The following ST7L variants were observed in gnomAD, a reference collection of about 807,000 sequenced individuals.
The protein encoded by ST7L is suppression of tumorigenicity 7 like, also known as suppressor of tumorigenicity 7 protein-like.
ST7L carries 57 observed loss-of-function variants against 72.5 expected under a neutral mutation model. That is an observed-to-expected ratio of 0.79 (90% confidence interval 0.64 to 0.98). The LOEUF (loss-of-function observed/expected upper bound fraction) is 0.98, where lower values mean the gene tolerates loss of function less well. Among genes scored for constraint, ST7L ranks in the 50% least tolerant of loss-of-function variants. The pLI is 0.00. For missense variants in ST7L, 576 were observed against 672.2 expected (o/e 0.86, Z 1.58); for synonymous variants, 221 against 240.9 (o/e 0.92, Z 0.77).
In ST7L at chr1:112,600,845, C is replaced by T; in HGVS notation, c.455G>A (p.Cys152Tyr). ...NETSRQNLSE[C>Y]KVWRNPLNLF... Reference sequence around the variant, plus strand: ...ATTTAGAGGGTTTCTCCATACCTTACATTCTGAAAAACAAGGGAGAAAAAG... The same window carrying T: ...ATTTAGAGGGTTTCTCCATACCTTATATTCTGAAAAACAAGGGAGAAAAAG... The change falls in exon 4 of 15, where the codon TGT (cysteine) becomes TAT (tyrosine). Residue 152 changes from cysteine to tyrosine, a missense_variant. Coordinates refer to ENST00000358039, the MANE Select transcript of ST7L (RefSeq NM_017744.5). 3 of 1,607,906 alleles carry T rather than the reference C, an allele frequency of 1.9e-6. No homozygotes were observed. The highest frequency in any genetic ancestry group is 1.1e-5 in the South Asian group (1 of 90,224).
Position 112,583,996 on chromosome 1 carries a change from T to C in ST7L, c.832A>G (p.Ser278Gly). 6.2e-7 allele frequency: 1 copy of C among 1,614,098 alleles called. No individual in the cohort carries two copies. Among genetic ancestry groups the C allele is most frequent in the Non-Finnish European group, 8.5e-7 (1 of 1,180,006 alleles). Reference sequence around the variant, plus strand: ...CTCAGTTGAGCTTCATGCTGAGGACTTTGGTGCTGGCACTGCTGTGACTGC... The same window carrying C: ...CTCAGTTGAGCTTCATGCTGAGGACCTTGGTGCTGGCACTGCTGTGACTGC... ...YRQSQQCQHQ[S>G]PQHEAQLRRD... Residue 278 changes from serine (S) to glycine (G), a missense_variant, in exon 7 of 15, where the codon AGT (serine) becomes GGT (glycine). This residue lies in a region of ST7L where 511 missense variants were observed against 600.7 expected (regional missense o/e 0.85). Transcript: ENST00000358039.
At chr1:112,576,943 T>A (rs1174321350) in intron 11 of ST7L, 43 bp downstream of exon 11, 2 of 1,436,554 alleles carry the variant, frequency 1.4e-6, no homozygotes, top group African/African-American at 2.8e-5. Context: ...ATCAATTTGA[T>A]AAACTTAAAT....
chr1:112,573,370 A>G (rs1045240282), intron 11 of ST7L, among the ~76,000 whole-genome samples: 3 of 142,144 alleles, frequency 2.1e-5, no homozygotes, highest in Admixed American at 7.0e-5. Flanking sequence ...AAAAAAAAAA[A>G]GAATTAAAAA....
rs1253249705 is a variant in ST7L at position 112,524,146 on chromosome 1, T to A, written c.*1867A>T. 6.6e-6 allele frequency: 1 copy of A among 152,638 alleles called. No homozygotes were observed. Among genetic ancestry groups the A allele is most frequent in the Non-Finnish European group, 1.5e-5 (1 of 68,054 alleles). 9.5% of individuals were successfully genotyped at this position (152,638 alleles called of 1,614,324 possible). A position where few individuals can be genotyped will look rare whatever the true frequency, so the allele number is the denominator to read the frequency against. ...GCAGGGAGTAATTTCTTCTCCTTTG[T>A]CTCACTTCCCTTATCAAGAACACCA... On this transcript the variant is annotated 3_prime_UTR_variant, in exon 15 of 15. Transcript: ENST00000358039.
In ST7L at chr1:112,594,721, G is replaced by C. The variant is rs547981135; in HGVS notation, c.623-3118C>G. 6.8e-4 allele frequency among the ~76,000 whole-genome samples: 104 copies of C among 152,290 alleles called. 3 individuals are homozygous for C. The South Asian group carries it at 0.021, about 31-fold the overall frequency. On this transcript the variant is annotated intron_variant, in intron 5 of 14. Coordinates refer to ENST00000358039, the MANE Select transcript of ST7L (RefSeq NM_017744.5). The stretch of plus-strand genomic sequence containing the variant: ...AATATGTTTATTTAAATTGAAAAAT[G>C]AAGTCAGACTGCTCTGTCAGAAAGT...
chr1:112,560,166 G>A lies in ST7L; in HGVS notation c.1246-4148C>T, dbSNP rs564371375. ...TCCCAGCACTTTGGGAGGCCGAGGC[G>A]GGAGGATCACGAGGTTAGGAGATCC... On this transcript the variant is annotated intron_variant, in intron 11 of 14. Coordinates refer to ENST00000358039, the MANE Select transcript of ST7L (RefSeq NM_017744.5). 2.8e-4 allele frequency among the ~76,000 whole-genome samples: 43 copies of A among 151,718 alleles called. 1 individual carries two copies. In the Middle Eastern group the frequency reaches 0.01, roughly 36 times the overall value.
chr1:112,524,679 T>C lies in ST7L; in HGVS notation c.*1334A>G, dbSNP rs148503056. The C allele has an allele frequency of 1.2e-4, 19 of 152,584 alleles. No homozygotes were observed. The highest frequency in any genetic ancestry group is 4.6e-4 in the African/African-American group (19 of 41,514). The allele number at this position is 152,584 out of a possible 1,614,324, so 9.5% of individuals were successfully genotyped here. On this transcript the variant is annotated 3_prime_UTR_variant, in exon 15 of 15. Transcript: ENST00000358039. ...CGGGGGTTGGGCATCTTTGAAGCAA[T>C]GTTGGATAACAAGAAAGAGATGCTT...
chr1:112,602,445 T>C (rs1667560466), intron 3 of ST7L, among the ~76,000 whole-genome samples: 1 of 152,198 alleles, frequency 6.6e-6, no homozygotes, highest in Non-Finnish European at 1.5e-5. Context: ...GAAAAGTCAA[T>C]GATGGGTAAA....
In ST7L at chr1:112,570,570, T is replaced by TACAC. The variant is rs1553248207; in HGVS notation, c.1245+6412_1245+6415dup. On this transcript the variant is annotated intron_variant, in intron 11 of 14. Coordinates refer to ENST00000358039, the MANE Select transcript of ST7L (RefSeq NM_017744.5). ...GTATATATATATATATATATATATA[T>TACAC]ACACACACACATATATTTGAAATGT... Among the ~76,000 whole-genome samples the TACAC allele has an allele frequency of 2.0e-3, 293 of 143,412 alleles. 2 individuals are homozygous for TACAC. The highest frequency in any genetic ancestry group is 6.2e-3 in the African/African-American group (241 of 38,630). The allele number at this position is 143,412 out of a possible 152,430, so 94.1% of individuals were successfully genotyped here. A position where few individuals can be genotyped will look rare whatever the true frequency, so the allele number is the denominator to read the frequency against.
intron 4 of ST7L, 66 bp from the exon 5 acceptor site, chr1:112,598,152 A>G: frequency 5.2e-6 from 6 of 1,153,096 alleles, no homozygotes; most frequent in Admixed American, 2.3e-5. Context: ...TATAACAGAC[A>G]CTACTTAAAT....
rs1653239311 is a variant in ST7L at position 112,525,355 on chromosome 1, CTAT to C, written c.*655_*657del. On this transcript the variant is annotated 3_prime_UTR_variant, in exon 15 of 15. Transcript: ENST00000358039. ...ACAGTGAATTGAGCTTTCTCAGAAG[CTAT>C]TATTTTCTTTGGGTGATTGGCAGGT... The C allele has an allele frequency of 6.6e-6, 1 of 152,278 alleles. No individual in the cohort carries two copies. Among genetic ancestry groups the C allele is most frequent in the African/African-American group, 2.4e-5 (1 of 41,542 alleles). 9.4% of individuals were successfully genotyped at this position (152,278 alleles called of 1,614,324 possible). A position where few individuals can be genotyped will look rare whatever the true frequency, so the allele number is the denominator to read the frequency against.
At chr1:112,597,239 A>T (rs1386676656) in intron 5 of ST7L, among the ~76,000 whole-genome samples, 1 of 152,242 alleles carries the variant, frequency 6.6e-6, no homozygotes, top group Non-Finnish European at 1.5e-5. Context: ...TGTGACTTTC[A>T]ATTTGGATAA....
At chr1:112,614,696 T>C (rs1430362956) in intron 2 of ST7L, among the ~76,000 whole-genome samples, 1 of 152,078 alleles carries the variant, frequency 6.6e-6, no homozygotes, top group Non-Finnish European at 1.5e-5. Context: ...CCTGGAACCT[T>C]AGCACTTTGG....
intron 14 of ST7L, chr1:112,539,660 A>AC: frequency 2.1e-6 from 2 of 936,130 alleles, no homozygotes; most frequent in Non-Finnish European, 2.5e-6. Context: ...TGTTTCAAAA[A>AC]AAAAAAAAAA....
intron 14 of ST7L, among the ~76,000 whole-genome samples, chr1:112,541,377 C>T (rs1207897446): frequency 6.6e-6 from 1 of 151,708 alleles, no homozygotes. Context: ...TAGTTCAAAA[C>T]TAAAGGGTAA....
chr1:112,590,929 C>CT (rs146691818), intron 6 of ST7L, among the ~76,000 whole-genome samples: 8,400 of 128,610 alleles, frequency 0.065, 789 homozygotes, highest in African/African-American at 0.18. Context: ...TTTTAGTACC[C>CT]TTTTTTTTTT....
intron 11 of ST7L, among the ~76,000 whole-genome samples, chr1:112,575,983 C>T (rs911833814): frequency 6.6e-6 from 1 of 152,192 alleles, no homozygotes; most frequent in African/African-American, 2.4e-5. Flanking sequence ...AGCTTCCAAG[C>T]TCTATTAACA....
At chr1:112,529,233 T>C (rs1006240204) in intron 14 of ST7L, 5 of 152,186 alleles carry the variant, frequency 3.3e-5, no homozygotes, top group Admixed American at 3.3e-4. Flanking sequence ...AGGTTTCTGC[T>C]TTACTTAACT....
At chr1:112,565,110 T>C (rs1376464836) in intron 11 of ST7L, among the ~76,000 whole-genome samples, 2 of 150,976 alleles carry the variant, frequency 1.3e-5, no homozygotes, top group Non-Finnish European at 2.9e-5. Context: ...AATGGCGCGA[T>C]CTCGGCTCAC....
Sources: allele counts gnomAD v4.1 joint callset (sites outside exome capture counted in the v4.1 genomes callset), GRCh38; gene constraint gnomAD v4.1.1; regional missense constraint gnomAD v4.1.1; transcripts MANE v1.5; gene names NCBI Gene and HGNC (gene_info 2026-07-23, HGNC 2026-07-21).